The following PTPRD variants were observed in gnomAD, a reference collection of about 807,000 sequenced individuals.
The protein encoded by PTPRD is receptor-type tyrosine-protein phosphatase delta.
In PTPRD, 34 loss-of-function variants were observed where a neutral mutation model predicts 214.5. The ratio of observed to expected loss-of-function variants is 0.16; its 90% confidence interval spans 0.12 to 0.21. The LOEUF (loss-of-function observed/expected upper bound fraction) is 0.21, where lower values mean the gene tolerates loss of function less well. PTPRD is among the 10% of genes least tolerant of loss of function. The probability of loss-of-function intolerance (pLI) is 1.00; values close to 1 mark genes in which losing one functional copy is unlikely to be tolerated. For missense variants in PTPRD, 2,545 were observed against 2,398.7 expected (o/e 1.06, Z -1.27); for synonymous variants, 1,128 against 845.7 (o/e 1.33, Z -5.79).
chr9:10,417,596 C>G (rs189861662), intron 2 of PTPRD, among the ~76,000 whole-genome samples: 8 of 151,514 alleles, frequency 5.3e-5, no homozygotes, highest in Non-Finnish European at 7.4e-5. Context: ...TTATAATAAC[C>G]ATATATCAAT....
intron 28 of PTPRD, 125 bp from the exon 29 acceptor site, chr9:8,485,449 T>G (rs143353943): frequency 1.5e-6 from 1 of 688,888 alleles, no homozygotes; most frequent in African/African-American, 1.8e-5. Flanking sequence ...GAAGTATGAT[T>G]TTCCTACCTG....
chr9:9,517,040 C>T (rs572657270), intron 8 of PTPRD, among the ~76,000 whole-genome samples: 4 of 151,464 alleles, frequency 2.6e-5, no homozygotes, highest in African/African-American at 9.7e-5. Context: ...TGAAATGAAA[C>T]CATATCAAAT....
intron 7 of PTPRD, among the ~76,000 whole-genome samples, chr9:9,704,771 C>G (rs1270286408): frequency 2.0e-5 from 3 of 152,170 alleles, no homozygotes; most frequent in Non-Finnish European, 2.9e-5. Flanking sequence ...CCTGCTGTGC[C>G]TAGGCTACTA....
At chr9:9,625,033 G>A (rs919384340) in intron 7 of PTPRD, among the ~76,000 whole-genome samples, 4 of 152,148 alleles carry the variant, frequency 2.6e-5, no homozygotes, top group African/African-American at 9.7e-5. Flanking sequence ...AACCACTGTT[G>A]TTAAATGACT....
In PTPRD at chr9:8,440,706, C is replaced by T. The variant is rs532015600; in HGVS notation, c.3989-4017G>A. Among the ~76,000 whole-genome samples the T allele has an allele frequency of 2.0e-4, 31 of 152,268 alleles. 1 individual carries two copies. The South Asian group carries it at 6.0e-3, about 30-fold the overall frequency. On this transcript the variant is annotated intron_variant, in intron 34 of 45. Coordinates refer to ENST00000381196, the MANE Select transcript of PTPRD (RefSeq NM_002839.4). ...AATATAGAGTCAACATGAAAAATGA[C>T]AGATGCGGTCACTGAAATCTGCCTT...
At chr9:9,820,423 A>G (rs2050308399) in intron 5 of PTPRD, among the ~76,000 whole-genome samples, 1 of 151,890 alleles carries the variant, frequency 6.6e-6, no homozygotes, top group African/African-American at 2.4e-5. Flanking sequence ...ATTTTCTCTC[A>G]TTTTGTATGT....
intron 11 of PTPRD, among the ~76,000 whole-genome samples, chr9:8,865,380 C>T (rs1002617966): frequency 4.6e-5 from 7 of 152,060 alleles, no homozygotes; most frequent in Non-Finnish European, 1.0e-4. Flanking sequence ...TGTCATAGGG[C>T]TTTAAGCACA....
At chr9:8,557,807 CATATAT>C (rs150466637) in intron 14 of PTPRD, among the ~76,000 whole-genome samples, 14 of 133,582 alleles carry the variant, frequency 1.0e-4, no homozygotes, top group African/African-American at 4.0e-4. Context: ...CACACACACA[CATATAT>C]ACACACACAC....
At chr9:9,828,042 T>C (rs1045321188) in intron 5 of PTPRD, among the ~76,000 whole-genome samples, 1 of 152,132 alleles carries the variant, frequency 6.6e-6, no homozygotes, top group Non-Finnish European at 1.5e-5. Context: ...AGGAACACTT[T>C]TACACTGTTG....
chr9:9,442,824 A>G (rs1406671672), intron 8 of PTPRD, among the ~76,000 whole-genome samples: 1 of 152,208 alleles, frequency 6.6e-6, no homozygotes, highest in Non-Finnish European at 1.5e-5. Context: ...TACCCTAAAC[A>G]TGACTATAAA....
At chr9:9,773,926 T>A (rs2098774790) in intron 5 of PTPRD, among the ~76,000 whole-genome samples, 1 of 152,202 alleles carries the variant, frequency 6.6e-6, no homozygotes, top group Non-Finnish European at 1.5e-5. Context: ...TAAATTATTT[T>A]TCCACCATAA....
At chr9:8,956,692 C>T (rs967794902) in intron 11 of PTPRD, among the ~76,000 whole-genome samples, 14 of 151,804 alleles carry the variant, frequency 9.2e-5, no homozygotes, top group African/African-American at 2.2e-4. Flanking sequence ...CCACCAACCA[C>T]GACAGAAGCA....
chr9:8,519,642 G>A (rs1328173451), intron 20 of PTPRD, among the ~76,000 whole-genome samples: 1 of 152,060 alleles, frequency 6.6e-6, no homozygotes, highest in East Asian at 1.9e-4. Flanking sequence ...CCTGGCACTC[G>A]GTAGGTTTTT....
chr9:9,778,617 T>A (rs1350921320), intron 5 of PTPRD, among the ~76,000 whole-genome samples: 4 of 151,984 alleles, frequency 2.6e-5, no homozygotes, highest in African/African-American at 9.7e-5. Flanking sequence ...GTCTGCCCCC[T>A]CCTAGGGGCC....
chr9:9,269,672 G>A (rs1032517516), intron 9 of PTPRD, among the ~76,000 whole-genome samples: 1 of 151,304 alleles, frequency 6.6e-6, no homozygotes, highest in Non-Finnish European at 1.5e-5. Context: ...ACATTATTCA[G>A]CATTAAGAAA....
At chr9:10,531,566 G>A (rs1177344575) in intron 2 of PTPRD, among the ~76,000 whole-genome samples, 1 of 152,198 alleles carries the variant, frequency 6.6e-6, no homozygotes, top group South Asian at 2.1e-4. Flanking sequence ...ATATTCATGA[G>A]TGTTGGAAGA....
At chr9:9,414,162 G>T (rs1412869) in intron 8 of PTPRD, among the ~76,000 whole-genome samples, 10,471 of 152,194 alleles carry the variant, frequency 0.069, 426 homozygotes, top group Middle Eastern at 0.18. Context: ...CATCTCAAAA[G>T]GTATTCTGAG....
intron 11 of PTPRD, among the ~76,000 whole-genome samples, chr9:8,850,910 T>C (rs535051509): frequency 6.6e-6 from 1 of 152,276 alleles, no homozygotes; most frequent in Admixed American, 6.5e-5. Context: ...CGGAGAAAAT[T>C]TTTATTTTAA....
chr9:9,859,085 G>C (rs2062135149), intron 5 of PTPRD, among the ~76,000 whole-genome samples: 1 of 151,988 alleles, frequency 6.6e-6, no homozygotes, highest in African/African-American at 2.4e-5. Flanking sequence ...CTCAAAAAAG[G>C]GCTGATGATT....
Sources: allele counts gnomAD v4.1 joint callset (sites outside exome capture counted in the v4.1 genomes callset), GRCh38; gene constraint gnomAD v4.1.1; transcripts MANE v1.5; gene names NCBI Gene and HGNC (gene_info 2026-07-23, HGNC 2026-07-21).